Variants in MINK1 observed in about 807,000 individuals in gnomAD.
MINK1 encodes misshapen-like kinase 1.
Under a neutral mutation model 178.4 loss-of-function variants are expected in MINK1, and 46 were observed. The observed-to-expected ratio is 0.26, with a 90% confidence interval of 0.20 to 0.33. The LOEUF is 0.33. MINK1 is among the 10% of genes least tolerant of loss of function. The pLI, the probability that MINK1 is intolerant of heterozygous loss-of-function variation, is 1.00. For missense variants in MINK1, 1,366 were observed against 1,814.9 expected, an observed-to-expected ratio of 0.75 and a Z score of 4.49; for synonymous variants, 797 against 709.7, an observed-to-expected ratio of 1.12 and a Z score of -1.96.
intron 1 of MINK1, among the ~76,000 whole-genome samples, chr17:4,877,348 T>G (rs1967273242): frequency 6.6e-6 from 1 of 152,214 alleles, no homozygotes; most frequent in Non-Finnish European, 1.5e-5. Context: ...CTTCTGGCAC[T>G]GCTTGGCTCA....
At chr17:4,881,106 G>T (rs555924335) in intron 3 of MINK1, 26 bp from the exon 4 acceptor site, 2 of 1,537,012 alleles carry the variant, frequency 1.3e-6, no homozygotes, top group Admixed American at 2.0e-5. Flanking sequence ...GGGAGTCTCA[G>T]GGCTCAGCTC....
At chr17:4,838,771 A>G (rs898867023) in intron 1 of MINK1, among the ~76,000 whole-genome samples, 3 of 152,186 alleles carry the variant, frequency 2.0e-5, no homozygotes, top group Non-Finnish European at 4.4e-5. Flanking sequence ...AAAGTTATCA[A>G]TAATCCCCTG....
chr17:4,894,417 G>A lies in MINK1; in HGVS notation c.2808+106G>A. The A allele has an allele frequency of 2.0e-6, 3 of 1,528,310 alleles. No homozygotes were observed. Among genetic ancestry groups the A allele is most frequent in the Middle Eastern group, 1.7e-4 (1 of 5,754 alleles). 94.7% of individuals were successfully genotyped at this position (1,528,310 alleles called of 1,614,324 possible). On this transcript the variant is annotated intron_variant, in intron 23 of 31. Coordinates refer to ENST00000355280, the MANE Select transcript of MINK1 (RefSeq NM_153827.5). This position sits in a 1 kb window ranked among gnomAD's most constrained non-coding sequence, Gnocchi z 4.1. ...AGGATGGGGCGGAGCGCTGGGAGCT[G>A]GACAGCGGGGGTGCCAGTTGGGGAG...
At chr17:4,860,036 C>T (rs1322851992) in intron 1 of MINK1, among the ~76,000 whole-genome samples, 2 of 135,790 alleles carry the variant, frequency 1.5e-5, no homozygotes, top group Admixed American at 1.5e-4. Flanking sequence ...ACTACTGGCC[C>T]CATGCGGAGC....
In MINK1 at chr17:4,844,383, A is replaced by G. The variant is rs1910693996; in HGVS notation, c.57+10743A>G. Among the ~76,000 whole-genome samples the G allele has an allele frequency of 2.0e-5, 3 of 152,180 alleles. No individual in the cohort carries two copies. The South Asian group carries it at 6.2e-4, about 32-fold the overall frequency. On this transcript the variant is annotated intron_variant, in intron 1 of 31. Transcript: ENST00000355280. ...TGGGCTTACTGAGGACTAAAACATT[A>G]TCCATAACGTTTCTTGGTAAAGTTT... is the stretch of plus-strand genomic sequence containing the variant.
At chr17:4,841,762 T>C (rs62073633) in intron 1 of MINK1, among the ~76,000 whole-genome samples, 2,096 of 152,226 alleles carry the variant, frequency 0.014, 20 homozygotes, top group Non-Finnish European at 0.022. Flanking sequence ...TAAGTATGTC[T>C]GTGACTGGAC....
rs760078480 is a variant in MINK1, at chr17:4,895,254, C to T, written c.3085+12C>T. The T allele has an allele frequency of 5.6e-6, 9 of 1,613,860 alleles. No individual in the cohort carries two copies. The highest frequency in any genetic ancestry group is 7.6e-6 in the Non-Finnish European group (9 of 1,179,824). On this transcript the variant is annotated intron_variant, in intron 25 of 31. Coordinates refer to ENST00000355280, the MANE Select transcript of MINK1 (RefSeq NM_153827.5). The surrounding 1 kb of genome is among the most constrained non-coding windows in gnomAD (Gnocchi z 4.3). Reference sequence around the variant, plus strand: ...TGCAGCCCTTTGGGGTAAGCCAGGGCAGGGACAGCTGAGGAGGCTCTGGCG... The same window carrying T: ...TGCAGCCCTTTGGGGTAAGCCAGGGTAGGGACAGCTGAGGAGGCTCTGGCG...
At chr17:4,862,143 G>C (rs559540527) in intron 1 of MINK1, among the ~76,000 whole-genome samples, 110 of 152,212 alleles carry the variant, frequency 7.2e-4, no homozygotes, top group Non-Finnish European at 1.3e-3. Flanking sequence ...GTTGTGGTCT[G>C]GCTTGTTGGG....
In MINK1 at chr17:4,887,543, T is replaced by A. The variant is rs1968331898; in HGVS notation, c.1020-37T>A. 2.7e-6 allele frequency: 4 copies of A among 1,466,056 alleles called. No individual in the cohort carries two copies. The highest frequency in any genetic ancestry group is 1.8e-4 in the Middle Eastern group (1 of 5,572). 90.8% of individuals were successfully genotyped at this position (1,466,056 alleles called of 1,614,324 possible). On this transcript the variant is annotated intron_variant, in intron 11 of 31. Coordinates refer to ENST00000355280, the MANE Select transcript of MINK1 (RefSeq NM_153827.5). The surrounding 1 kb of genome is among the most constrained non-coding windows in gnomAD (Gnocchi z 7.6). The stretch of plus-strand genomic sequence containing the variant: ...GGTTGAGAGTGGGAACCAACAGGGT[T>A]CTGACCCCAGTGCTTCTTTGTGCCA...
In MINK1 at chr17:4,894,809, TCCCAC is replaced by T; in HGVS notation, c.2917+177_2917+181del. ...GAGCCTCTGAGACCCCTCCTTCCTGTCCCACAGGACAGGAAATGCTCAGAGTTGCC... is the reference window on the plus strand; with the variant it reads ...GAGCCTCTGAGACCCCTCCTTCCTGTAGGACAGGAAATGCTCAGAGTTGCC... On this transcript the variant is annotated intron_variant, in intron 24 of 31. Coordinates refer to ENST00000355280, the MANE Select transcript of MINK1 (RefSeq NM_153827.5). This position sits in a 1 kb window ranked among gnomAD's most constrained non-coding sequence, Gnocchi z 4.1. 1 of 638,048 alleles carries T rather than the reference TCCCAC, an allele frequency of 1.6e-6. No homozygotes were observed. The highest frequency in any genetic ancestry group is 2.9e-5 in the Admixed American group (1 of 34,916). 39.5% of individuals were successfully genotyped at this position (638,048 alleles called of 1,614,324 possible). A position where few individuals can be genotyped will look rare whatever the true frequency, so the allele number is the denominator to read the frequency against.
At position 4,894,629 on chromosome 17, in the gene MINK1, C is replaced by A; in HGVS notation, c.2913C>A (p.Ile971=). Residue 971 remains isoleucine (I), a synonymous_variant, in exon 24 of 32, where the codon ATC becomes ATA. Transcript: ENST00000355280. The surrounding 1 kb of genome is among the most constrained non-coding windows in gnomAD (Gnocchi z 4.1). The part of the protein sequence containing the change: ...QPGGSGDSIP[I]TALVGGEGTR... ...GAGGCAGTGGGGACAGCATCCCCAT[C>A]ACAGGTGAGGACAGGAGGACAGACC... is the stretch of plus-strand genomic sequence containing the variant. 1 of 1,599,740 alleles carries A rather than the reference C, an allele frequency of 6.3e-7. No homozygotes were observed. The highest frequency in any genetic ancestry group is 8.5e-7 in the Non-Finnish European group (1 of 1,172,178).
chr17:4,860,485 A>T (rs1913991280), intron 1 of MINK1, among the ~76,000 whole-genome samples: 1 of 115,104 alleles, frequency 8.7e-6, no homozygotes, highest in South Asian at 2.2e-4. Flanking sequence ...CTTGGGAAAT[A>T]ATCAAACCCT....
At position 4,891,030 on chromosome 17, in the gene MINK1, C is replaced by G. The variant is rs762740783; in HGVS notation, c.1646C>G (p.Pro549Arg). 3.9e-6 allele frequency: 6 copies of G among 1,557,162 alleles called. No homozygotes were observed. The highest frequency in any genetic ancestry group is 1.9e-5 in the Admixed American group (1 of 51,740). The change falls in exon 15 of 32, where the codon CCC becomes CGC. Residue 549 changes from proline (P) to arginine (R), a missense_variant. Transcript: ENST00000355280. ...AAGCCAGGCAGCACGGGGCCTGAGC[C>G]CCCCATCCCCCAGGCCTCCCCAGGG... is the stretch of plus-strand genomic sequence containing the variant. ...KSKPGSTGPE[P>R]PIPQASPGPP...
rs558842580 is a variant in MINK1 at position 4,836,916 on chromosome 17, G to C, written c.57+3276G>C. 3.9e-5 allele frequency among the ~76,000 whole-genome samples: 6 copies of C among 151,986 alleles called. No homozygotes were observed. The highest frequency in any genetic ancestry group is 7.3e-5 in the African/African-American group (3 of 41,348). On this transcript the variant is annotated intron_variant, in intron 1 of 31. Coordinates refer to ENST00000355280, the MANE Select transcript of MINK1 (RefSeq NM_153827.5). The surrounding 1 kb of genome is among the most constrained non-coding windows in gnomAD (Gnocchi z 4.3). ...TCAGTGGCCGGGTGTGGTAGCTCAC[G>C]ACCGTAATCCCAGCACTTTGGGAGG...
chr17:4,849,803 C>T lies in MINK1; in HGVS notation c.57+16163C>T, dbSNP rs1318941054. 3.3e-5 allele frequency among the ~76,000 whole-genome samples: 5 copies of T among 152,178 alleles called. No individual in the cohort carries two copies. The East Asian group carries it at 7.7e-4, about 24-fold the overall frequency. On this transcript the variant is annotated intron_variant, in intron 1 of 31. Coordinates refer to ENST00000355280, the MANE Select transcript of MINK1 (RefSeq NM_153827.5). ...GGTCAGGCTAGTCTCGAACTCCCGGCCTCAGGTGGTCCGCCCGCCTCGGCC... is the reference window on the plus strand; with the variant it reads ...GGTCAGGCTAGTCTCGAACTCCCGGTCTCAGGTGGTCCGCCCGCCTCGGCC...
intron 1 of MINK1, among the ~76,000 whole-genome samples, chr17:4,859,607 G>A (rs1299450764): frequency 1.3e-5 from 2 of 151,828 alleles, no homozygotes; most frequent in East Asian, 3.9e-4. Flanking sequence ...GGCCAACATG[G>A]TGAAACCCTG....
At chr17:4,882,818 C>T (rs1967823928) in intron 4 of MINK1, among the ~76,000 whole-genome samples, 1 of 152,046 alleles carries the variant, frequency 6.6e-6, no homozygotes. Flanking sequence ...TTCCCGCAAC[C>T]ATTTAAAAAT....
At position 4,881,279 on chromosome 17, in the gene MINK1, G is replaced by A. The variant is rs377543680; in HGVS notation, c.306+22G>A. ...CTGGGTGAGAAACGCCCCCCTGCCC[G>A]CCTTCCCTCCCCGCAATCCCTGTCT... On this transcript the variant is annotated intron_variant, in intron 4 of 31. Coordinates refer to ENST00000355280, the MANE Select transcript of MINK1 (RefSeq NM_153827.5). 72 of 1,534,832 alleles carry A rather than the reference G, an allele frequency of 4.7e-5. 1 individual carries two copies. Among genetic ancestry groups the A allele is most frequent in the African/African-American group, 3.2e-4 (23 of 73,014 alleles).
chr17:4,879,049 G>T (rs1274551268), intron 2 of MINK1, among the ~76,000 whole-genome samples: 2 of 152,034 alleles, frequency 1.3e-5, no homozygotes, highest in African/African-American at 4.8e-5. Context: ...GCTGCAGCAG[G>T]GAGTGAGGTG....
Sources: allele counts gnomAD v4.1 joint callset (sites outside exome capture counted in the v4.1 genomes callset), GRCh38; gene constraint gnomAD v4.1.1; non-coding constraint Gnocchi (gnomAD v3.1); transcripts MANE v1.5; gene names NCBI Gene and HGNC (gene_info 2026-07-23, HGNC 2026-07-21).